Variants in SORCS2 observed in about 807,000 individuals in gnomAD.
The protein encoded by SORCS2 is VPS10 domain-containing receptor SorCS2.
SORCS2 carries 100 observed loss-of-function variants against 141.6 expected under a neutral mutation model. The observed-to-expected ratio is 0.71, with a 90% CI of 0.60 to 0.83. The LOEUF is 0.83. Ranked by LOEUF, SORCS2 falls within the 40% of genes least tolerant of loss-of-function variation. SORCS2 has a pLI of 0.00. For synonymous variants in SORCS2, 789 were observed against 676.9 expected, an observed-to-expected ratio of 1.17 and a Z score of -2.57; for missense variants, 1,646 against 1,560.2, an observed-to-expected ratio of 1.05 and a Z score of -0.93.
chr4:7,725,347 G>A (rs1727143261), intron 20 of SORCS2, 60 bp downstream of exon 20: 1 of 1,563,036 alleles, frequency 6.4e-7, no homozygotes, highest in Non-Finnish European at 8.7e-7. Context: ...AAGCTGCACA[G>A]TGGGGCAGAG....
intron 1 of SORCS2, among the ~76,000 whole-genome samples, chr4:7,309,483 G>A (rs1285064592): frequency 6.6e-6 from 1 of 152,136 alleles, no homozygotes; most frequent in African/African-American, 2.4e-5. Context: ...GAGCAGAGGG[G>A]CCTGGTTGAC....
At chr4:7,391,151 A>G (rs1434897527) in intron 1 of SORCS2, among the ~76,000 whole-genome samples, 2 of 152,102 alleles carry the variant, frequency 1.3e-5, no homozygotes, top group Non-Finnish European at 1.5e-5. Flanking sequence ...TTTTATTTTA[A>G]TCCATCTGAG....
Position 7,454,459 on chromosome 4 carries a change from G to T in SORCS2, c.548+58104G>T, listed in dbSNP as rs533167403. Among the ~76,000 whole-genome samples, 3 of 138,734 alleles carry T rather than the reference G, an allele frequency of 2.2e-5. 1 individual carries two copies. Among genetic ancestry groups the T allele is most frequent in the Admixed American group, 1.4e-4 (2 of 14,082 alleles). 91.0% of individuals were successfully genotyped at this position (138,734 alleles called of 152,430 possible). ...GAGTCAGGCTCCGTGTTAGTGTAAT[G>T]CGCCACGTTAGGGTCAGGCAGTGTG... On this transcript the variant is annotated intron_variant, in intron 2 of 26. Transcript: ENST00000507866.
chr4:7,434,416 T>G (rs1392616807), intron 2 of SORCS2: 1 of 1,608,678 alleles, frequency 6.2e-7, no homozygotes, highest in Non-Finnish European at 8.5e-7. Flanking sequence ...GGTGTCCTCT[T>G]TGGAGAGTGG....
chr4:7,282,893 G>A (rs1256322233), intron 1 of SORCS2, among the ~76,000 whole-genome samples: 1 of 152,154 alleles, frequency 6.6e-6, no homozygotes, highest in Non-Finnish European at 1.5e-5. Flanking sequence ...GGAAGTGGGG[G>A]GTTCAGCATC....
intron 1 of SORCS2, among the ~76,000 whole-genome samples, chr4:7,205,532 C>A (rs568994897): frequency 6.6e-6 from 1 of 152,162 alleles, no homozygotes; most frequent in African/African-American, 2.4e-5. Context: ...ACTTTGAGAT[C>A]GATAACAACT....
intron 3 of SORCS2, among the ~76,000 whole-genome samples, chr4:7,579,539 C>A (rs1716001565): frequency 6.6e-6 from 1 of 152,166 alleles, no homozygotes; most frequent in African/African-American, 2.4e-5. Context: ...GTCCTCCGAC[C>A]TCCTTTGGCT....
At chr4:7,217,065 C>T (rs1728404777) in intron 1 of SORCS2, among the ~76,000 whole-genome samples, 1 of 114,278 alleles carries the variant, frequency 8.8e-6, no homozygotes, top group Non-Finnish European at 1.8e-5. Flanking sequence ...TCTGGCCTCA[C>T]TTCTTAGCCT....
intron 3 of SORCS2, among the ~76,000 whole-genome samples, chr4:7,622,517 G>A (rs577452469): frequency 4.5e-4 from 69 of 152,312 alleles, no homozygotes; most frequent in Non-Finnish European, 7.8e-4. Context: ...CTGCTGCTGC[G>A]TCCTGCTTCC....
intron 1 of SORCS2, among the ~76,000 whole-genome samples, chr4:7,216,375 T>G (rs1728353493): frequency 1.3e-5 from 2 of 152,156 alleles, no homozygotes; most frequent in Admixed American, 1.3e-4. Context: ...GACAATTCAC[T>G]CAAGGCCACA....
intron 3 of SORCS2, among the ~76,000 whole-genome samples, chr4:7,626,824 A>G (rs901270092): frequency 6.6e-6 from 1 of 152,008 alleles, no homozygotes; most frequent in Non-Finnish European, 1.5e-5. Context: ...TCATAACCCA[A>G]CATGTAATAC....
chr4:7,715,236 C>T lies in SORCS2; in HGVS notation c.2177C>T (p.Ser726Phe), dbSNP rs1285782524. The T allele has an allele frequency of 3.1e-6, 5 of 1,613,874 alleles. No individual in the cohort carries two copies. The highest frequency in any genetic ancestry group is 4.2e-6 in the Non-Finnish European group (5 of 1,179,884). The change falls in exon 17 of 27, where the codon TCT (serine) becomes TTT (phenylalanine). Residue 726 changes from serine to phenylalanine, a missense_variant. Ser to Phe is a radical substitution (Grantham distance 155, BLOSUM62 -2). Coordinates refer to ENST00000507866, the MANE Select transcript of SORCS2 (RefSeq NM_020777.3). ...TCAGAGTCCAGCACCAACAAGTGCT[C>T]TGCCAACTTCTGGTTTAACCCATTG... Reference protein sequence around the residue: ...SSSESSTNKCSANFWFNPLSP... With the variant: ...SSSESSTNKCFANFWFNPLSP...
intron 2 of SORCS2, among the ~76,000 whole-genome samples, chr4:7,507,930 A>T (rs1732375135): frequency 6.6e-6 from 1 of 152,142 alleles, no homozygotes; most frequent in African/African-American, 2.4e-5. Context: ...GTGACAAAAA[A>T]CTCATAGCTG....
In SORCS2 at chr4:7,450,753, G is replaced by A. The variant is rs547962027; in HGVS notation, c.548+54398G>A. On this transcript the variant is annotated intron_variant, in intron 2 of 26. Coordinates refer to ENST00000507866, the MANE Select transcript of SORCS2 (RefSeq NM_020777.3). ...AATGAGTGACTGAATGAATGAGTGA[G>A]AGAGTGAGTGAGTAAATGAGAGAGT... Among the ~76,000 whole-genome samples the A allele has an allele frequency of 5.9e-5, 9 of 152,242 alleles. No individual in the cohort carries two copies. In the South Asian group the frequency reaches 1.7e-3, roughly 28 times the overall value.
intron 1 of SORCS2, among the ~76,000 whole-genome samples, chr4:7,340,875 A>G (rs965845348): frequency 3.9e-5 from 6 of 152,220 alleles, no homozygotes; most frequent in Admixed American, 1.3e-4. Context: ...ACTATTGGCA[A>G]GGGTGGCTCT....
chr4:7,242,673 C>A (rs1712784368), intron 1 of SORCS2, among the ~76,000 whole-genome samples: 1 of 152,170 alleles, frequency 6.6e-6, no homozygotes, highest in African/African-American at 2.4e-5. Context: ...CACTTCCAGG[C>A]CCAATTCAAA....
chr4:7,251,736 G>A (rs1289662849), intron 1 of SORCS2, among the ~76,000 whole-genome samples: 1 of 152,150 alleles, frequency 6.6e-6, no homozygotes, highest in East Asian at 1.9e-4. Context: ...CCAGAGACAA[G>A]GTTTTTTAAA....
intron 1 of SORCS2, among the ~76,000 whole-genome samples, chr4:7,280,459 A>G (rs1163212480): frequency 2.0e-5 from 3 of 152,064 alleles, no homozygotes; most frequent in Non-Finnish European, 4.4e-5. Context: ...AAACCATGGC[A>G]GGGTGGGCAT....
intron 3 of SORCS2, among the ~76,000 whole-genome samples, chr4:7,606,471 C>T (rs549969543): frequency 9.2e-5 from 14 of 152,220 alleles, no homozygotes; most frequent in African/African-American, 3.4e-4. Flanking sequence ...CTGCTGCAAA[C>T]GGTCACCTCC....
Sources: allele counts gnomAD v4.1 joint callset (sites outside exome capture counted in the v4.1 genomes callset), GRCh38; gene constraint gnomAD v4.1.1; transcripts MANE v1.5; gene names NCBI Gene and HGNC (gene_info 2026-07-23, HGNC 2026-07-21).